GRIN2A: variants seen among roughly 807,000 people sequenced by gnomAD.
The protein encoded by GRIN2A is glutamate ionotropic receptor NMDA type subunit 2A.
GRIN2A carries 22 observed loss-of-function variants against 113.4 expected under a neutral mutation model. That is an observed-to-expected ratio of 0.19 (90% CI 0.14 to 0.28). GRIN2A has a LOEUF of 0.28. Among genes scored for constraint, GRIN2A ranks in the 10% least tolerant of loss-of-function variants. The pLI is 1.00. For missense variants in GRIN2A, 1,502 were observed against 1,887.0 expected (o/e 0.80, Z 3.78); for synonymous variants, 827 against 738.4 (o/e 1.12, Z -1.94).
chr16:10,034,883 A>G (rs1245147454), intron 2 of GRIN2A, among the ~76,000 whole-genome samples: 1 of 152,228 alleles, frequency 6.6e-6, no homozygotes, highest in Non-Finnish European at 1.5e-5. Context: ...TAATTTGAAT[A>G]TCACACATAT....
At chr16:10,080,119 A>T (rs939573326) in intron 2 of GRIN2A, among the ~76,000 whole-genome samples, 1 of 152,236 alleles carries the variant, frequency 6.6e-6, no homozygotes, top group Non-Finnish European at 1.5e-5. Flanking sequence ...TACTGTTCTT[A>T]TCATCTCCCT....
At chr16:10,113,276 C>A (rs1277168791) in intron 2 of GRIN2A, among the ~76,000 whole-genome samples, 1 of 152,182 alleles carries the variant, frequency 6.6e-6, no homozygotes, top group African/African-American at 2.4e-5. Context: ...CCTGGCTCTG[C>A]CTCTGGCTCT....
chr16:9,984,901 T>C (rs973027176), intron 2 of GRIN2A, among the ~76,000 whole-genome samples: 9 of 152,324 alleles, frequency 5.9e-5, no homozygotes, highest in African/African-American at 2.2e-4. Context: ...TATCAAAAAC[T>C]CTGCTGCTAT....
intron 11 of GRIN2A, among the ~76,000 whole-genome samples, chr16:9,787,513 A>G (rs1243708058): frequency 6.6e-6 from 1 of 152,192 alleles, no homozygotes; most frequent in Non-Finnish European, 1.5e-5. Flanking sequence ...ACCAGGCTGT[A>G]GCCCAACCAC....
At chr16:9,856,664 A>G (rs1284774436) in intron 4 of GRIN2A, among the ~76,000 whole-genome samples, 1 of 152,070 alleles carries the variant, frequency 6.6e-6, no homozygotes, top group Non-Finnish European at 1.5e-5. Context: ...GATGATAAAA[A>G]TAAGTCTTTC....
intron 10 of GRIN2A, among the ~76,000 whole-genome samples, chr16:9,821,366 C>T (rs940606424): frequency 3.3e-5 from 5 of 152,056 alleles, no homozygotes; most frequent in Non-Finnish European, 5.9e-5. Context: ...GTGCTTCCTA[C>T]GAGAATGATT....
chr16:9,932,203 C>T (rs2044608007), intron 3 of GRIN2A, among the ~76,000 whole-genome samples: 1 of 152,196 alleles, frequency 6.6e-6, no homozygotes, highest in Non-Finnish European at 1.5e-5. Flanking sequence ...AATGACAGCC[C>T]TGCCCCGCCT....
chr16:10,106,134 G>A (rs752011970), intron 2 of GRIN2A, among the ~76,000 whole-genome samples: 5 of 151,154 alleles, frequency 3.3e-5, no homozygotes, highest in African/African-American at 7.3e-5. Context: ...TGAGGCATGC[G>A]TACTTCCCCA....
intron 2 of GRIN2A, among the ~76,000 whole-genome samples, chr16:10,019,392 A>T (rs947493093): frequency 6.6e-6 from 1 of 152,260 alleles, no homozygotes; most frequent in Non-Finnish European, 1.5e-5. Flanking sequence ...GGCATACAGC[A>T]GAGGCACAAT....
rs1211468644 is a variant in GRIN2A, at chr16:9,757,401, TA to T, written c.*5747del. The T allele has an allele frequency of 1.7e-5, 4 of 228,898 alleles. No homozygotes were observed. The highest frequency in any genetic ancestry group is 4.4e-5 in the African/African-American group (2 of 45,060). The allele number at this position is 228,898 out of a possible 1,614,324, so 14.2% of individuals were successfully genotyped here. A position where few individuals can be genotyped will look rare whatever the true frequency, so the allele number is the denominator to read the frequency against. On this transcript the variant is annotated 3_prime_UTR_variant, in exon 13 of 13. Transcript: ENST00000330684. ...AAAAGGTATGCTCATAGAATCAGAT[TA>T]TTTTTTTTTTCCTGGCTACAACTTT...
chr16:10,120,541 T>C (rs7196139), intron 2 of GRIN2A, among the ~76,000 whole-genome samples: 10,915 of 152,036 alleles, frequency 0.072, 538 homozygotes, highest in Non-Finnish European at 0.11. Flanking sequence ...GGCCCTAGAA[T>C]TTTACCTCTG....
chr16:10,135,115 A>G lies in GRIN2A; in HGVS notation c.414+44883T>C, dbSNP rs554629557. ...CTCTTTCCTCTCACATTTTACTAAA[A>G]GGAGCAAGAAGAAACCAGGCTGCCC... On this transcript the variant is annotated intron_variant, in intron 2 of 12. Coordinates refer to ENST00000330684, the MANE Select transcript of GRIN2A (RefSeq NM_001134407.3). Among the ~76,000 whole-genome samples, 10 of 152,332 alleles carry G rather than the reference A, an allele frequency of 6.6e-5. No individual in the cohort carries two copies. In the South Asian group the frequency reaches 2.1e-3, roughly 32 times the overall value.
At chr16:9,785,264 A>G (rs1171025071) in intron 11 of GRIN2A, among the ~76,000 whole-genome samples, 1 of 152,136 alleles carries the variant, frequency 6.6e-6, no homozygotes, top group Non-Finnish European at 1.5e-5. Context: ...CAGCCATAAA[A>G]AATGATGAAT....
At chr16:9,911,019 T>TA (rs879769638) in intron 3 of GRIN2A, among the ~76,000 whole-genome samples, 158 of 145,364 alleles carry the variant, frequency 1.1e-3, no homozygotes, top group Middle Eastern at 3.5e-3. Flanking sequence ...TTACTTTAAC[T>TA]AAAAAAAAAA....
chr16:10,124,636 A>G (rs912856444), intron 2 of GRIN2A, among the ~76,000 whole-genome samples: 1 of 152,182 alleles, frequency 6.6e-6, no homozygotes, highest in African/African-American at 2.4e-5. Flanking sequence ...ATGGCAGGGA[A>G]AGATACAGTC....
At chr16:10,025,735 G>A (rs145285126) in intron 2 of GRIN2A, among the ~76,000 whole-genome samples, 1 of 152,312 alleles carries the variant, frequency 6.6e-6, no homozygotes, top group African/African-American at 2.4e-5. Context: ...ATACTGATGT[G>A]AGCCATCCCC....
chr16:9,979,323 C>T (rs1372425842), intron 2 of GRIN2A, among the ~76,000 whole-genome samples: 3 of 152,136 alleles, frequency 2.0e-5, no homozygotes, highest in Non-Finnish European at 4.4e-5. Context: ...ATCCCTTGGG[C>T]CACTCTCCAT....
intron 2 of GRIN2A, among the ~76,000 whole-genome samples, chr16:10,089,657 T>C (rs2048148592): frequency 6.6e-6 from 1 of 152,178 alleles, no homozygotes; most frequent in Non-Finnish European, 1.5e-5. Flanking sequence ...AGGAAGGTCC[T>C]CTCAATATCT....
chr16:9,977,578 T>G (rs1397914049), intron 2 of GRIN2A, among the ~76,000 whole-genome samples: 1 of 152,154 alleles, frequency 6.6e-6, no homozygotes, highest in Non-Finnish European at 1.5e-5. Flanking sequence ...TACCACCCAC[T>G]CCAAAGCTGA....
Sources: gnomAD v4.1 joint callset for allele counts (sites outside exome capture counted in the v4.1 genomes callset) on GRCh38, gnomAD v4.1.1 for gene constraint, MANE v1.5 for transcripts, NCBI Gene and HGNC (gene_info 2026-07-23, HGNC 2026-07-21) for gene names.